The following GTF2B variants were observed in gnomAD, a reference collection of about 807,000 sequenced individuals.
The protein encoded by GTF2B is general transcription factor IIB.
A neutral mutation model predicts 34.6 loss-of-function variants in GTF2B; 20 were observed. That is an observed-to-expected ratio of 0.58 (90% CI 0.41 to 0.84). The LOEUF (loss-of-function observed/expected upper bound fraction) is 0.84. Ranked by LOEUF, GTF2B falls within the 40% of genes least tolerant of loss-of-function variation. The pLI is 0.00. For synonymous variants in GTF2B, 142 were observed against 132.4 expected (o/e 1.07, Z -0.50); for missense variants, 237 against 393.3 (o/e 0.60, Z 3.36).
intron 5 of GTF2B, among the ~76,000 whole-genome samples, chr1:88,857,691 C>CTTTTTTGTTTTTTTTTTTT: frequency 9.2e-6 from 1 of 108,152 alleles, no homozygotes; most frequent in South Asian, 3.1e-4. Context: ...TTCATCACAC[C>CTTTTTTGTTTTTTTTTTTT]TTTTTTTTTG....
At position 88,875,710 on chromosome 1, in the gene GTF2B, T is replaced by A. The variant is rs186575692; in HGVS notation, c.124+11551A>T. Among the ~76,000 whole-genome samples, 170 of 152,352 alleles carry A rather than the reference T, an allele frequency of 1.1e-3. 1 individual carries two copies. Among genetic ancestry groups the A allele is most frequent in the Non-Finnish European group, 1.4e-3 (92 of 68,040 alleles). ...GATGTCACCATACTCGGAAGATCTG[T>A]AATGTAGCTTTTACCGCGGATACTG... On this transcript the variant is annotated intron_variant, in intron 2 of 6. Transcript: ENST00000370500.
At chr1:88,878,192 C>A (rs980330795) in intron 2 of GTF2B, among the ~76,000 whole-genome samples, 1 of 151,938 alleles carries the variant, frequency 6.6e-6, no homozygotes, top group African/African-American at 2.4e-5. Context: ...ATCGCTTGAA[C>A]GAACCAGGGA....
intron 3 of GTF2B, among the ~76,000 whole-genome samples, chr1:88,862,991 G>C (rs959473671): frequency 1.3e-5 from 2 of 149,714 alleles, no homozygotes; most frequent in South Asian, 4.2e-4. Context: ...CTATGCAATA[G>C]TATACATGAA....
intron 2 of GTF2B, among the ~76,000 whole-genome samples, chr1:88,882,734 C>T (rs1673977940): frequency 6.6e-6 from 1 of 152,110 alleles, no homozygotes; most frequent in Non-Finnish European, 1.5e-5. Flanking sequence ...CAAGTAATGC[C>T]AAATACCGAT....
chr1:88,881,316 G>T (rs1362354498), intron 2 of GTF2B, among the ~76,000 whole-genome samples: 3 of 151,958 alleles, frequency 2.0e-5, no homozygotes, highest in East Asian at 1.9e-4. Context: ...ATACCATCTA[G>T]GTTTTATTAA....
intron 2 of GTF2B, among the ~76,000 whole-genome samples, chr1:88,864,847 TA>T (rs1398901228): frequency 6.6e-6 from 1 of 152,248 alleles, no homozygotes; most frequent in East Asian, 1.9e-4. Flanking sequence ...TGCCCTTTTG[TA>T]AATGTTCTCA....
intron 2 of GTF2B, among the ~76,000 whole-genome samples, chr1:88,882,601 A>G (rs1673976330): frequency 6.6e-6 from 1 of 152,192 alleles, no homozygotes; most frequent in South Asian, 2.1e-4. Flanking sequence ...TCTTTTGGGG[A>G]TCACATTTCA....
intron 2 of GTF2B, among the ~76,000 whole-genome samples, chr1:88,869,080 T>C (rs767471321): frequency 1.1e-4 from 16 of 152,166 alleles, no homozygotes; most frequent in South Asian, 6.2e-4. Flanking sequence ...ACCAACCAGA[T>C]TGAAAACATT....
intron 2 of GTF2B, among the ~76,000 whole-genome samples, chr1:88,865,725 C>G (rs1285117438): frequency 1.3e-5 from 2 of 152,070 alleles, no homozygotes; most frequent in African/African-American, 4.8e-5. Flanking sequence ...GTGGCACATG[C>G]CTGTAATCCC....
At position 88,852,954 on chromosome 1, in the gene GTF2B, T is replaced by C. The variant is rs1673224369; in HGVS notation, c.*259A>G. Reference sequence around the variant, plus strand: ...AACTTGAGTTTTGAAAAATGTTTTATTCAAGAATTACATAATTTCAAATAT... The same window carrying C: ...AACTTGAGTTTTGAAAAATGTTTTACTCAAGAATTACATAATTTCAAATAT... On this transcript the variant is annotated 3_prime_UTR_variant, in exon 7 of 7. Transcript: ENST00000370500. The C allele has an allele frequency of 2.5e-6, 1 of 396,080 alleles. No individual in the cohort carries two copies. The highest frequency in any genetic ancestry group is 4.6e-6 in the Non-Finnish European group (1 of 219,250). The allele number at this position is 396,080 out of a possible 1,614,324, so 24.5% of individuals were successfully genotyped here. A position where few individuals can be genotyped will look rare whatever the true frequency, so the allele number is the denominator to read the frequency against.
rs569819016 is a variant in GTF2B, at chr1:88,888,360, C to T, written c.18-993G>A. On this transcript the variant is annotated intron_variant, in intron 1 of 6. Transcript: ENST00000370500. ...ACTGATAAAATAATCCATATTCCCC[C>T]CTAAACTTATCTAGTCAGCTTAACT... 7.9e-5 allele frequency among the ~76,000 whole-genome samples: 12 copies of T among 152,264 alleles called. No homozygotes were observed. In the East Asian group the frequency reaches 2.3e-3, roughly 29 times the overall value.
At position 88,860,135 on chromosome 1, in the gene GTF2B, C is replaced by G; in HGVS notation, c.405+5G>C. ...ATGGCTTAAAGGAGGTAGACAAGAA[C>G]TTACAACTATATTTCGAGGTAGATT... On this transcript the variant is annotated splice_donor_5th_base_variant and intron_variant, in intron 4 of 6. Transcript: ENST00000370500. 2 of 1,613,944 alleles carry G rather than the reference C, an allele frequency of 1.2e-6. No individual in the cohort carries two copies. Among genetic ancestry groups the G allele is most frequent in the Non-Finnish European group, 1.7e-6 (2 of 1,179,904 alleles).
intron 5 of GTF2B, 46 bp downstream of exon 5, chr1:88,859,836 A>C (rs1387857002): frequency 6.5e-7 from 1 of 1,538,944 alleles, no homozygotes; most frequent in Non-Finnish European, 8.9e-7. Context: ...ACCCTATCTC[A>C]AACAAACAAA....
intron 2 of GTF2B, among the ~76,000 whole-genome samples, chr1:88,881,156 CTAGG>C (rs1553163672): frequency 7.0e-6 from 1 of 142,452 alleles, no homozygotes; most frequent in Non-Finnish European, 1.5e-5. Context: ...TAAATACATG[CTAGG>C]TATGTATTTA....
chr1:88,868,706 C>T (rs1673614298), intron 2 of GTF2B, among the ~76,000 whole-genome samples: 1 of 151,652 alleles, frequency 6.6e-6, no homozygotes, highest in African/African-American at 2.4e-5. Context: ...CAATTCCACT[C>T]TTAAGTACAG....
At chr1:88,853,521 T>C (rs556086755) in intron 6 of GTF2B, among the ~76,000 whole-genome samples, 175 bp from the exon 7 acceptor site, 2 of 152,164 alleles carry the variant, frequency 1.3e-5, no homozygotes, top group African/African-American at 4.8e-5. Flanking sequence ...AAGCGGGAGC[T>C]AGGCCGGGCG....
At chr1:88,855,238 GCTTT>G (rs750125291) in intron 6 of GTF2B, among the ~76,000 whole-genome samples, 12 of 152,162 alleles carry the variant, frequency 7.9e-5, no homozygotes, top group Non-Finnish European at 1.5e-4. Context: ...CTAATGATTG[GCTTT>G]CTTTCTCTAA....
intron 2 of GTF2B, among the ~76,000 whole-genome samples, chr1:88,865,443 C>T (rs113520703): frequency 3.3e-5 from 5 of 152,230 alleles, no homozygotes; most frequent in African/African-American, 1.2e-4. Context: ...AATCTCCAGC[C>T]GGGTGTGGTG....
At chr1:88,884,636 T>C (rs1438696860) in intron 2 of GTF2B, among the ~76,000 whole-genome samples, 1 of 152,260 alleles carries the variant, frequency 6.6e-6, no homozygotes, top group African/African-American at 2.4e-5. Flanking sequence ...AGCCTCAGTT[T>C]CATTCTTTTA....
Sources: gnomAD v4.1 joint callset for allele counts (sites outside exome capture counted in the v4.1 genomes callset) on GRCh38, gnomAD v4.1.1 for gene constraint, MANE v1.5 for transcripts, NCBI Gene and HGNC (gene_info 2026-07-23, HGNC 2026-07-21) for gene names.